The following GPC5 variants were observed in gnomAD, a reference collection of about 807,000 sequenced individuals.
The protein encoded by GPC5 is glypican 5.
In GPC5, 47 loss-of-function variants were observed where a neutral mutation model predicts 53.9. That is an observed-to-expected ratio of 0.87 (90% CI 0.69 to 1.11). GPC5 has a LOEUF of 1.11. Ranked by LOEUF, GPC5 falls within the 50% of genes most tolerant of loss-of-function variation. The pLI is 0.00. For synonymous variants in GPC5, 286 were observed against 263.3 expected (o/e 1.09, Z -0.84); for missense variants, 748 against 713.1 (o/e 1.05, Z -0.56).
intron 2 of GPC5, among the ~76,000 whole-genome samples, chr13:91,597,354 C>T (rs1330533883): frequency 6.6e-6 from 1 of 152,076 alleles, no homozygotes; most frequent in Non-Finnish European, 1.5e-5. Context: ...ACTACCTTTC[C>T]AGCATCTAAC....
At chr13:92,369,777 C>T (rs1458353111) in intron 7 of GPC5, among the ~76,000 whole-genome samples, 2 of 152,156 alleles carry the variant, frequency 1.3e-5, no homozygotes, top group Non-Finnish European at 2.9e-5. Flanking sequence ...TGTTGTATTA[C>T]ATATAGTAAC....
intron 7 of GPC5, among the ~76,000 whole-genome samples, chr13:92,671,521 T>G (rs1166021520): frequency 1.3e-5 from 2 of 152,210 alleles, no homozygotes; most frequent in African/African-American, 4.8e-5. Flanking sequence ...TCAAGAAAAC[T>G]GAAACCATGG....
At chr13:91,580,184 G>A (rs1162760953) in intron 2 of GPC5, among the ~76,000 whole-genome samples, 1 of 152,010 alleles carries the variant, frequency 6.6e-6, no homozygotes, top group Non-Finnish European at 1.5e-5. Flanking sequence ...CAGAGTATCT[G>A]GGACTACAGG....
intron 3 of GPC5, among the ~76,000 whole-genome samples, chr13:91,708,113 G>A (rs1361559848): frequency 1.3e-5 from 2 of 152,098 alleles, no homozygotes; most frequent in African/African-American, 4.8e-5. Context: ...CAAGCGATTG[G>A]GACCTCACAG....
chr13:91,932,239 G>C (rs898228469), intron 6 of GPC5, among the ~76,000 whole-genome samples: 2 of 151,948 alleles, frequency 1.3e-5, no homozygotes, highest in African/African-American at 2.4e-5. Flanking sequence ...TGACATTTGG[G>C]TCTCTCCGTG....
intron 7 of GPC5, among the ~76,000 whole-genome samples, chr13:92,352,139 A>G (rs1477725090): frequency 6.6e-6 from 1 of 152,194 alleles, no homozygotes; most frequent in Non-Finnish European, 1.5e-5. Flanking sequence ...CTTGTGTGGA[A>G]CCTCATTATA....
chr13:92,293,376 T>G (rs1221015696), intron 7 of GPC5, among the ~76,000 whole-genome samples: 2 of 149,100 alleles, frequency 1.3e-5, no homozygotes. Context: ...GTAGAGGTCT[T>G]TCACCTCTTT....
At chr13:92,564,632 G>A (rs1382316806) in intron 7 of GPC5, among the ~76,000 whole-genome samples, 2 of 151,990 alleles carry the variant, frequency 1.3e-5, no homozygotes, top group Non-Finnish European at 2.9e-5. Flanking sequence ...CAGGTAGTGA[G>A]CAGAGTACCC....
chr13:92,372,084 T>C (rs993482384), intron 7 of GPC5, among the ~76,000 whole-genome samples: 3 of 151,868 alleles, frequency 2.0e-5, no homozygotes, highest in African/African-American at 7.3e-5. Flanking sequence ...AAGAAAGAAA[T>C]CCTCCCCTAG....
chr13:92,680,825 A>G (rs1887089341), intron 7 of GPC5, among the ~76,000 whole-genome samples: 1 of 152,222 alleles, frequency 6.6e-6, no homozygotes, highest in Non-Finnish European at 1.5e-5. Context: ...GGGAAGACAC[A>G]GAGTAACAAT....
intron 6 of GPC5, among the ~76,000 whole-genome samples, chr13:91,997,970 T>A (rs374849979): frequency 2.5e-4 from 38 of 152,260 alleles, no homozygotes; most frequent in African/African-American, 8.7e-4. Context: ...TATTCTTCCA[T>A]ATCATTTTCT....
chr13:92,028,067 A>T (rs1311200702), intron 6 of GPC5, among the ~76,000 whole-genome samples: 1 of 152,216 alleles, frequency 6.6e-6, no homozygotes, highest in African/African-American at 2.4e-5. Flanking sequence ...GGGAAATACT[A>T]CTACAGACTG....
At position 92,866,560 on chromosome 13, in the gene GPC5, C is replaced by T. The variant is rs997294668; in HGVS notation, c.*121C>T. The T allele has an allele frequency of 1.0e-4, 87 of 836,596 alleles. No individual in the cohort carries two copies. Among genetic ancestry groups the T allele is most frequent in the Middle Eastern group, 8.6e-4 (3 of 3,486 alleles). The allele number at this position is 836,596 out of a possible 1,614,324, so 51.8% of individuals were successfully genotyped here. On this transcript the variant is annotated 3_prime_UTR_variant, in exon 8 of 8. Transcript: ENST00000377067. ...TATATTTATGAAAAGATATGTTACA[C>T]TAACTTCTCAGAAGCCAAGCTGAAA...
intron 2 of GPC5, among the ~76,000 whole-genome samples, chr13:91,551,449 T>C (rs2138825710): frequency 6.6e-6 from 1 of 152,140 alleles, no homozygotes; most frequent in East Asian, 1.9e-4. Flanking sequence ...TTCCATAAAA[T>C]AGAGTTGACA....
chr13:91,948,560 T>C lies in GPC5; in HGVS notation c.1401+40503T>C, dbSNP rs79410140. Reference sequence around the variant, plus strand: ...GCTTTTTTTTAAACAGAAAAATCAATCAACTAAGTTATTTGTTAAACATAG... The same window carrying C: ...GCTTTTTTTTAAACAGAAAAATCAACCAACTAAGTTATTTGTTAAACATAG... On this transcript the variant is annotated intron_variant, in intron 6 of 7. Coordinates refer to ENST00000377067, the MANE Select transcript of GPC5 (RefSeq NM_004466.6). 1.4e-4 allele frequency among the ~76,000 whole-genome samples: 21 copies of C among 152,244 alleles called. No individual in the cohort carries two copies. The East Asian group carries it at 4.1e-3, about 29-fold the overall frequency.
chr13:92,777,988 C>T (rs554726413), intron 7 of GPC5, among the ~76,000 whole-genome samples: 1 of 152,288 alleles, frequency 6.6e-6, no homozygotes, highest in Non-Finnish European at 1.5e-5. Flanking sequence ...ATATTTCTGA[C>T]AATGTGTGCT....
At chr13:92,333,316 A>G (rs545260554) in intron 7 of GPC5, among the ~76,000 whole-genome samples, 2 of 152,310 alleles carry the variant, frequency 1.3e-5, no homozygotes, top group East Asian at 1.9e-4. Context: ...GCATTCTGTT[A>G]GAAAGGTTTG....
chr13:92,438,189 A>G (rs1484191124), intron 7 of GPC5, among the ~76,000 whole-genome samples: 1 of 151,878 alleles, frequency 6.6e-6, no homozygotes, highest in Non-Finnish European at 1.5e-5. Context: ...TTTTCATACA[A>G]TAAAATACGA....
At chr13:91,589,529 C>G (rs7333385) in intron 2 of GPC5, among the ~76,000 whole-genome samples, 12,031 of 152,150 alleles carry the variant, frequency 0.079, 797 homozygotes, top group South Asian at 0.23. Context: ...CTCTAAATGA[C>G]TCTCACTACT....
Sources: gnomAD v4.1 joint callset for allele counts (sites outside exome capture counted in the v4.1 genomes callset) on GRCh38, gnomAD v4.1.1 for gene constraint, MANE v1.5 for transcripts, NCBI Gene and HGNC (gene_info 2026-07-23, HGNC 2026-07-21) for gene names.